Variants in PTPRT observed in about 807,000 individuals in gnomAD.
PTPRT encodes the protein receptor-type tyrosine-protein phosphatase T.
PTPRT carries 56 observed loss-of-function variants against 176.8 expected under a neutral mutation model. The ratio of observed to expected loss-of-function variants is 0.32; its 90% CI spans 0.26 to 0.40. The LOEUF (loss-of-function observed/expected upper bound fraction) is 0.40. Among genes scored for constraint, PTPRT ranks in the 10% least tolerant of loss-of-function variants. PTPRT has a pLI of 1.00. For synonymous variants in PTPRT, 783 were observed against 739.0 expected (o/e 1.06, Z -0.96); for missense variants, 1,540 against 1,908.2 (o/e 0.81, Z 3.60).
intron 7 of PTPRT, among the ~76,000 whole-genome samples, chr20:42,632,216 TG>T (rs1272649019): frequency 6.6e-6 from 1 of 152,098 alleles, no homozygotes; most frequent in Non-Finnish European, 1.5e-5. Context: ...CTTTCTCCTA[TG>T]CTGTTTTTGT....
chr20:42,102,105 C>T lies in PTPRT; in HGVS notation c.3714+19G>A. Reference sequence around the variant, plus strand: ...CCCTAGAATGCCAGCTAGGAGCTTTCTGCCCGGGCTCGGCTTACATCCATC... The same window carrying T: ...CCCTAGAATGCCAGCTAGGAGCTTTTTGCCCGGGCTCGGCTTACATCCATC... On this transcript the variant is annotated intron_variant, in intron 26 of 30. Coordinates refer to ENST00000373187, the MANE Select transcript of PTPRT (RefSeq NM_007050.6). 1 of 1,601,268 alleles carries T rather than the reference C, an allele frequency of 6.2e-7. No individual in the cohort carries two copies. The highest frequency in any genetic ancestry group is 1.1e-5 in the South Asian group (1 of 90,544).
At chr20:42,601,695 A>G (rs1479865424) in intron 7 of PTPRT, among the ~76,000 whole-genome samples, 1 of 152,232 alleles carries the variant, frequency 6.6e-6, no homozygotes, top group Non-Finnish European at 1.5e-5. Flanking sequence ...CAACAAATCA[A>G]TAAATCAATA....
intron 7 of PTPRT, among the ~76,000 whole-genome samples, chr20:42,564,710 A>G (rs1453640506): frequency 2.0e-5 from 3 of 152,198 alleles, no homozygotes; most frequent in African/African-American, 4.8e-5. Context: ...ATATCTATGT[A>G]ACAAACCTGC....
intron 16 of PTPRT, among the ~76,000 whole-genome samples, chr20:42,178,892 C>T (rs1232818832): frequency 2.0e-5 from 3 of 152,128 alleles, no homozygotes; most frequent in Non-Finnish European, 4.4e-5. Flanking sequence ...TAGTAGCTAG[C>T]TTCCCAAGGA....
the PTPRT span, among the ~76,000 whole-genome samples, chr20:42,051,044 C>T: frequency 0.63 from 95,718 of 151,778 alleles, 31,081 homozygotes; most frequent in African/African-American, 0.78. Flanking sequence ...AATGTATTAC[C>T]CAGGAATGGC....
chr20:42,730,217 T>G (rs1935890342), intron 6 of PTPRT, among the ~76,000 whole-genome samples: 1 of 152,180 alleles, frequency 6.6e-6, no homozygotes, highest in African/African-American at 2.4e-5. Flanking sequence ...ACACATTCCA[T>G]ATTTCTCCAG....
At chr20:42,756,151 T>C (rs2076828946) in intron 6 of PTPRT, among the ~76,000 whole-genome samples, 1 of 152,202 alleles carries the variant, frequency 6.6e-6, no homozygotes, top group Non-Finnish European at 1.5e-5. Context: ...ACAAGGACAT[T>C]TGTTCATTCT....
chr20:42,612,772 A>C (rs1452654568), intron 7 of PTPRT, among the ~76,000 whole-genome samples: 3 of 152,098 alleles, frequency 2.0e-5, no homozygotes, highest in African/African-American at 4.8e-5. Flanking sequence ...AGAAAAAAAA[A>C]AACTAAAACC....
chr20:42,986,266 G>A (rs536724125), intron 1 of PTPRT, among the ~76,000 whole-genome samples: 3 of 152,338 alleles, frequency 2.0e-5, no homozygotes, highest in East Asian at 1.9e-4. Context: ...TTTCAAGAGC[G>A]ATTAGGTGGG....
intron 9 of PTPRT, among the ~76,000 whole-genome samples, chr20:42,407,905 T>C (rs932156104): frequency 6.6e-6 from 1 of 151,962 alleles, no homozygotes; most frequent in African/African-American, 2.4e-5. Flanking sequence ...TTAAATAATA[T>C]GAGACAAGGA....
intron 27 of PTPRT, among the ~76,000 whole-genome samples, chr20:42,086,594 C>T (rs1983935288): frequency 6.6e-6 from 1 of 150,714 alleles, no homozygotes; most frequent in African/African-American, 2.5e-5. Context: ...TCCAGGAAAA[C>T]CTTCATAGTG....
chr20:42,197,376 CAAAAAAAAAAA>C (rs3086756), intron 16 of PTPRT, among the ~76,000 whole-genome samples: 7 of 33,314 alleles, frequency 2.1e-4, no homozygotes, highest in Admixed American at 1.1e-3. Flanking sequence ...GAGACTCCAT[CAAAAAAAAAAA>C]AAAAAAAAAA....
At chr20:42,618,851 G>C (rs2074132710) in intron 7 of PTPRT, among the ~76,000 whole-genome samples, 1 of 143,778 alleles carries the variant, frequency 7.0e-6, no homozygotes, top group Non-Finnish European at 1.5e-5. Flanking sequence ...CGTGAGATGG[G>C]TTTCCTGAAT....
intron 7 of PTPRT, among the ~76,000 whole-genome samples, chr20:42,522,829 A>C (rs774932675): frequency 3.3e-5 from 5 of 152,102 alleles, no homozygotes; most frequent in Non-Finnish European, 5.9e-5. Flanking sequence ...CATTTATATG[A>C]AATTGGTTTC....
At chr20:42,399,132 A>G (rs545694369) in intron 9 of PTPRT, among the ~76,000 whole-genome samples, 294 of 152,360 alleles carry the variant, frequency 1.9e-3, no homozygotes, top group South Asian at 5.4e-3. Flanking sequence ...ACCACTTTCT[A>G]TTAGTCAAAA....
chr20:42,665,407 C>A (rs2075297322), intron 7 of PTPRT, among the ~76,000 whole-genome samples: 1 of 152,036 alleles, frequency 6.6e-6, no homozygotes, highest in African/African-American at 2.4e-5. Context: ...CATCTCACAC[C>A]AGTTAGAATG....
chr20:42,095,973 C>T (rs62208693), intron 27 of PTPRT, among the ~76,000 whole-genome samples: 3 of 152,160 alleles, frequency 2.0e-5, no homozygotes, highest in African/African-American at 7.2e-5. Context: ...TTCATATTTT[C>T]CCCAGTTATA....
chr20:42,498,197 T>C (rs573776198), intron 7 of PTPRT, among the ~76,000 whole-genome samples: 3 of 152,270 alleles, frequency 2.0e-5, no homozygotes, highest in Admixed American at 2.0e-4. Flanking sequence ...ATGTCAGCCT[T>C]GTAAATCGAA....
At chr20:42,917,386 CAGGT>C (rs1389625175) in intron 1 of PTPRT, among the ~76,000 whole-genome samples, 1 of 152,106 alleles carries the variant, frequency 6.6e-6, no homozygotes. Flanking sequence ...AGTTTGAAGT[CAGGT>C]AGCGCGATGC....
Sources: allele counts gnomAD v4.1 joint callset (sites outside exome capture counted in the v4.1 genomes callset), GRCh38; gene constraint gnomAD v4.1.1; transcripts MANE v1.5; gene names NCBI Gene and HGNC (gene_info 2026-07-23, HGNC 2026-07-21).